The following YTHDF3 variants were observed in gnomAD, a reference collection of about 807,000 sequenced individuals.
The protein encoded by YTHDF3 is YTH domain-containing family protein 3.
Under a neutral mutation model 52.5 loss-of-function variants are expected in YTHDF3, and 9 were observed. The observed-to-expected ratio is 0.17, with a 90% CI of 0.10 to 0.30. YTHDF3 has a LOEUF of 0.30. YTHDF3 is among the 10% of genes least tolerant of loss of function. The pLI, the probability that YTHDF3 is intolerant of heterozygous loss-of-function variation, is 1.00. For synonymous variants in YTHDF3, 274 were observed against 243.3 expected (o/e 1.13, Z -1.18); for missense variants, 534 against 715.0 (o/e 0.75, Z 2.89).
Position 63,183,423 on chromosome 8 carries a change from C to T in YTHDF3, c.136-2724C>T, listed in dbSNP as rs147286616. On this transcript the variant is annotated intron_variant, in intron 3 of 4. Transcript: ENST00000539294. ...TAGATACTTCAGTGATCAAATTTTA[C>T]GCATTTGTGTTTGTCTTCGTAGCTT... Among the ~76,000 whole-genome samples the T allele has an allele frequency of 5.7e-3, 871 of 152,084 alleles. 12 individuals carry two copies. Among genetic ancestry groups the T allele is most frequent in the African/African-American group, 0.02 (842 of 41,490 alleles).
chr8:63,168,579 C>T (rs1322035799), upstream of YTHDF3: 34 of 544,818 alleles, frequency 6.2e-5, no homozygotes, highest in East Asian at 1.2e-3. Flanking sequence ...GCGCGGACGT[C>T]AGAGTGGAGA....
chr8:63,177,676 T>G (rs1449420370), intron 3 of YTHDF3, among the ~76,000 whole-genome samples: 1 of 152,190 alleles, frequency 6.6e-6, no homozygotes, highest in Non-Finnish European at 1.5e-5. Context: ...GCTACTTGAT[T>G]TCATAGTTTA....
intron 3 of YTHDF3, among the ~76,000 whole-genome samples, chr8:63,182,895 T>C (rs934592911): frequency 2.7e-5 from 4 of 150,264 alleles, no homozygotes; most frequent in African/African-American, 9.8e-5. Flanking sequence ...TAGTTAAAAT[T>C]ATAAATAAAG....
intron 2 of YTHDF3, 29 bp from the exon 3 acceptor site, chr8:63,175,302 C>T: frequency 1.3e-6 from 2 of 1,535,276 alleles, no homozygotes; most frequent in South Asian, 2.3e-5. Context: ...AAGATAACTA[C>T]AACACTTCTA....
intron 4 of YTHDF3, among the ~76,000 whole-genome samples, chr8:63,202,224 A>G (rs1320272905): frequency 6.6e-6 from 1 of 152,168 alleles, no homozygotes; most frequent in Non-Finnish European, 1.5e-5. Flanking sequence ...CCAAAACATA[A>G]TGATTGTCCT....
At chr8:63,201,726 TAAA>T (rs1744677532) in intron 4 of YTHDF3, among the ~76,000 whole-genome samples, 1 of 152,308 alleles carries the variant, frequency 6.6e-6, no homozygotes, top group Admixed American at 6.5e-5. Flanking sequence ...TTGAGGGAAT[TAAA>T]AAAGCATAGT....
At chr8:63,175,721 T>C (rs970467667) in intron 3 of YTHDF3, 4 of 197,828 alleles carry the variant, frequency 2.0e-5, no homozygotes, top group Middle Eastern at 2.0e-3. Context: ...AATCTTTTAA[T>C]GTCACTGCTA....
chr8:63,208,937 G>T (rs1810208202), intron 4 of YTHDF3, among the ~76,000 whole-genome samples: 1 of 152,080 alleles, frequency 6.6e-6, no homozygotes, highest in Non-Finnish European at 1.5e-5. Flanking sequence ...GTGCCATCTT[G>T]GCTCATGGCA....
intron 4 of YTHDF3, among the ~76,000 whole-genome samples, chr8:63,204,896 G>A (rs1275527524): frequency 1.3e-5 from 2 of 152,294 alleles, no homozygotes; most frequent in Middle Eastern, 3.4e-3. Flanking sequence ...AGATTACAAG[G>A]AAAATAAGTC....
chr8:63,185,216 A>G (rs537425923), intron 3 of YTHDF3, among the ~76,000 whole-genome samples: 67 of 152,292 alleles, frequency 4.4e-4, no homozygotes, highest in Non-Finnish European at 4.7e-4. Flanking sequence ...TTCAAAAGAA[A>G]TAAGTATTTA....
chr8:63,191,290 T>G (rs1359645874), intron 4 of YTHDF3, among the ~76,000 whole-genome samples: 1 of 152,206 alleles, frequency 6.6e-6, no homozygotes, highest in Admixed American at 6.5e-5. Context: ...ATATGTTGAA[T>G]CTTTGCCCTT....
intron 4 of YTHDF3, 119 bp downstream of exon 4, chr8:63,187,864 T>TACAA (rs1355093701): frequency 8.9e-7 from 1 of 1,118,370 alleles, no homozygotes; most frequent in Admixed American, 2.9e-5. Flanking sequence ...GAAACAACTC[T>TACAA]ACAAACACCC....
At chr8:63,174,897 A>G (rs2129985469) in intron 2 of YTHDF3, among the ~76,000 whole-genome samples, 1 of 152,342 alleles carries the variant, frequency 6.6e-6, no homozygotes, top group Non-Finnish European at 1.5e-5. Context: ...ATTCTTTATT[A>G]TACTAAATAA....
intron 4 of YTHDF3, among the ~76,000 whole-genome samples, chr8:63,188,246 C>A (rs1808658191): frequency 1.3e-5 from 2 of 152,034 alleles, no homozygotes; most frequent in Non-Finnish European, 2.9e-5. Flanking sequence ...ATCCTCCTGC[C>A]TTAGACTCCC....
intron 4 of YTHDF3, among the ~76,000 whole-genome samples, chr8:63,199,304 C>G (rs566115497): frequency 2.2e-4 from 34 of 152,138 alleles, no homozygotes; most frequent in African/African-American, 7.9e-4. Flanking sequence ...GGGGATTATT[C>G]CAGGACCCCC....
intron 4 of YTHDF3, among the ~76,000 whole-genome samples, chr8:63,194,739 C>A (rs1809129475): frequency 6.6e-6 from 1 of 152,090 alleles, no homozygotes; most frequent in African/African-American, 2.4e-5. Flanking sequence ...TTATTGCTTT[C>A]TTCTAGTAGT....
At position 63,209,866 on chromosome 8, in the gene YTHDF3, C is replaced by T. The variant is rs975041002; in HGVS notation, c.*160C>T. 1.5e-5 allele frequency: 10 copies of T among 675,342 alleles called. No homozygotes were observed. The highest frequency in any genetic ancestry group is 3.1e-4 in the Middle Eastern group (1 of 3,206). 41.8% of individuals were successfully genotyped at this position (675,342 alleles called of 1,614,324 possible). ...CTCTTCTCGTAATGGTTTTCATCAG[C>T]GCATCTGCCCTTATACTCTTCACCA... On this transcript the variant is annotated 3_prime_UTR_variant, in exon 5 of 5. Coordinates refer to ENST00000539294, the MANE Select transcript of YTHDF3 (RefSeq NM_152758.6).
At chr8:63,194,445 A>C (rs931190869) in intron 4 of YTHDF3, among the ~76,000 whole-genome samples, 2 of 152,206 alleles carry the variant, frequency 1.3e-5, no homozygotes, top group African/African-American at 4.8e-5. Flanking sequence ...AGTTCGTGCT[A>C]TTGCACTCCA....
rs1467047550 is a variant in YTHDF3 at position 63,201,137 on chromosome 8, GA to G, written c.1735-8545del. Among the ~76,000 whole-genome samples, 5 of 152,282 alleles carry G rather than the reference GA, an allele frequency of 3.3e-5. No homozygotes were observed. The East Asian group carries it at 7.7e-4, about 24-fold the overall frequency. ...AAGCAAGGAAGTTACATACAAATTA[GA>G]TATGTTGAAGTGTCACTTTAGAAAT... On this transcript the variant is annotated intron_variant, in intron 4 of 4. Transcript: ENST00000539294.
Sources: gnomAD v4.1 joint callset for allele counts (sites outside exome capture counted in the v4.1 genomes callset) on GRCh38, gnomAD v4.1.1 for gene constraint, MANE v1.5 for transcripts, NCBI Gene and HGNC (gene_info 2026-07-23, HGNC 2026-07-21) for gene names.